The following TRIM44 variants were observed in gnomAD, a reference collection of about 807,000 sequenced individuals.
TRIM44 encodes the protein tripartite motif-containing protein 44.
TRIM44 carries 13 observed loss-of-function variants against 37.4 expected under a neutral mutation model. That is an observed-to-expected ratio of 0.35 (90% CI 0.23 to 0.55). The LOEUF is 0.55. TRIM44 is among the 20% of genes least tolerant of loss of function. TRIM44 has a pLI of 0.89. For missense variants in TRIM44, 426 were observed against 437.2 expected, an observed-to-expected ratio of 0.97 and a Z score of 0.23; for synonymous variants, 175 against 157.2, an observed-to-expected ratio of 1.11 and a Z score of -0.85.
chr11:35,669,966 C>T (rs186126316), intron 1 of TRIM44, among the ~76,000 whole-genome samples: 2 of 152,110 alleles, frequency 1.3e-5, no homozygotes, highest in Non-Finnish European at 2.9e-5. Flanking sequence ...GGACTACAGG[C>T]ATGTGCCACC....
intron 4 of TRIM44, among the ~76,000 whole-genome samples, chr11:35,755,170 T>A (rs1852618618): frequency 6.6e-6 from 1 of 152,172 alleles, no homozygotes; most frequent in Non-Finnish European, 1.5e-5. Flanking sequence ...GCACCTGTTG[T>A]TTCCTGACTT....
At chr11:35,679,142 G>A (rs886590310) in intron 1 of TRIM44, among the ~76,000 whole-genome samples, 3 of 152,026 alleles carry the variant, frequency 2.0e-5, no homozygotes, top group African/African-American at 7.2e-5. Context: ...GCCAGTTTAG[G>A]ATATTTATGT....
Position 35,807,020 on chromosome 11 carries a change from G to A in TRIM44, c.*635G>A, listed in dbSNP as rs1158756383. On this transcript the variant is annotated 3_prime_UTR_variant, in exon 5 of 5. Transcript: ENST00000299413. ...CTTGATATTCATAATTCAGTGCTGT[G>A]GAAATGAAAAAAATGATTGAAGAGG... The A allele has an allele frequency of 6.6e-6, 1 of 151,870 alleles. No homozygotes were observed. The highest frequency in any genetic ancestry group is 2.4e-5 in the African/African-American group (1 of 41,338). 9.4% of individuals were successfully genotyped at this position (151,870 alleles called of 1,614,324 possible). A position where few individuals can be genotyped will look rare whatever the true frequency, so the allele number is the denominator to read the frequency against.
At chr11:35,720,791 T>C (rs1010923448) in intron 2 of TRIM44, among the ~76,000 whole-genome samples, 4 of 152,176 alleles carry the variant, frequency 2.6e-5, no homozygotes, top group Non-Finnish European at 5.9e-5. Context: ...CTGTATCTAT[T>C]GTGATTTTTC....
At chr11:35,804,548 T>C (rs1473498869) in intron 4 of TRIM44, among the ~76,000 whole-genome samples, 2 of 152,184 alleles carry the variant, frequency 1.3e-5, no homozygotes, top group Non-Finnish European at 2.9e-5. Context: ...TGCCCTCATA[T>C]TTGAAATAAA....
At position 35,687,948 on chromosome 11, in the gene TRIM44, A is replaced by G. The variant is rs150345881; in HGVS notation, c.747+2612A>G. On this transcript the variant is annotated intron_variant, in intron 2 of 4. Coordinates refer to ENST00000299413, the MANE Select transcript of TRIM44 (RefSeq NM_017583.6). ...CTGTATATACTTGGAGCCAGCTTGA[A>G]GAAGGGTGAACGTAATTGCAGAATG... Among the ~76,000 whole-genome samples the G allele has an allele frequency of 1.5e-3, 227 of 152,310 alleles. 1 individual carries two copies. The highest frequency in any genetic ancestry group is 4.8e-3 in the African/African-American group (201 of 41,574).
At chr11:35,685,020 A>T (rs1851558222) in intron 1 of TRIM44, among the ~76,000 whole-genome samples, 4 of 152,230 alleles carry the variant, frequency 2.6e-5, no homozygotes, top group Admixed American at 6.5e-5. Context: ...GAGTCAGCCT[A>T]TACAAATTGT....
At chr11:35,663,844 G>T in intron 1 of TRIM44, 64 bp downstream of exon 1, 3 of 1,518,974 alleles carry the variant, frequency 2.0e-6, no homozygotes, top group Non-Finnish European at 2.6e-6. Context: ...AACTCAGGTG[G>T]CCTGGCTGTG....
intron 4 of TRIM44, among the ~76,000 whole-genome samples, chr11:35,760,461 G>A (rs746635218): frequency 6.6e-5 from 10 of 152,168 alleles, no homozygotes; most frequent in African/African-American, 1.4e-4. Context: ...GCGATGCCTC[G>A]CCCTGCTTAA....
intron 4 of TRIM44, among the ~76,000 whole-genome samples, chr11:35,755,915 G>A (rs1196483236): frequency 6.6e-6 from 1 of 152,032 alleles, no homozygotes; most frequent in Non-Finnish European, 1.5e-5. Context: ...TAGCCTTGTA[G>A]TATAGTTTGA....
rs1565050891 is a variant in TRIM44 at position 35,817,027 on chromosome 11, G to T, written c.*10642G>T. ...CCGTATGTATTTACTTGTTCATAAG[G>T]TTGATGTCTGTAACTCTTTGAAGGT... is the stretch of plus-strand genomic sequence containing the variant. On this transcript the variant is annotated 3_prime_UTR_variant, in exon 5 of 5. Coordinates refer to ENST00000299413, the MANE Select transcript of TRIM44 (RefSeq NM_017583.6). 6.6e-6 allele frequency: 1 copy of T among 152,102 alleles called. No homozygotes were observed. The highest frequency in any genetic ancestry group is 1.5e-5 in the Non-Finnish European group (1 of 68,016). 9.4% of individuals were successfully genotyped at this position (152,102 alleles called of 1,614,324 possible). A position where few individuals can be genotyped will look rare whatever the true frequency, so the allele number is the denominator to read the frequency against.
chr11:35,697,445 T>C (rs1012004805), intron 2 of TRIM44, among the ~76,000 whole-genome samples: 1 of 149,362 alleles, frequency 6.7e-6, no homozygotes, highest in Non-Finnish European at 1.5e-5. Context: ...TGCCACGTTT[T>C]CTTTTTTTTT....
intron 1 of TRIM44, among the ~76,000 whole-genome samples, chr11:35,674,086 A>G (rs1851432698): frequency 6.6e-6 from 1 of 152,202 alleles, no homozygotes; most frequent in Non-Finnish European, 1.5e-5. Context: ...TGGACCTTTC[A>G]GAATAGGAGA....
intron 3 of TRIM44, among the ~76,000 whole-genome samples, chr11:35,731,040 G>C (rs1852251744): frequency 6.6e-6 from 1 of 151,976 alleles, no homozygotes; most frequent in Non-Finnish European, 1.5e-5. Context: ...TCTACAAATA[G>C]AGACAGTTTT....
chr11:35,769,773 C>CAAATAAA (rs1852842210), intron 4 of TRIM44, among the ~76,000 whole-genome samples: 1 of 152,170 alleles, frequency 6.6e-6, no homozygotes, highest in Non-Finnish European at 1.5e-5. Context: ...TCAATTGATG[C>CAAATAAA]TTGTTGAATT....
chr11:35,785,137 A>T (rs1052868622), intron 4 of TRIM44, among the ~76,000 whole-genome samples: 19 of 152,306 alleles, frequency 1.2e-4, no homozygotes, highest in African/African-American at 4.6e-4. Context: ...GCTTGAGGGG[A>T]TTAATTAAAA....
chr11:35,677,079 A>T (rs1361716383), intron 1 of TRIM44, among the ~76,000 whole-genome samples: 4 of 152,350 alleles, frequency 2.6e-5, no homozygotes. Context: ...ATAAAATTCC[A>T]CAATTAGCTA....
At chr11:35,749,742 C>A (rs768822255) in intron 4 of TRIM44, among the ~76,000 whole-genome samples, 1 of 152,212 alleles carries the variant, frequency 6.6e-6, no homozygotes, top group Non-Finnish European at 1.5e-5. Flanking sequence ...TGAGGTTACC[C>A]TTGATTTTCC....
intron 2 of TRIM44, among the ~76,000 whole-genome samples, chr11:35,700,016 C>A (rs1851763815): frequency 6.6e-6 from 1 of 152,122 alleles, no homozygotes. Flanking sequence ...TGAAAATGGC[C>A]ATACTGCCCA....
Sources: gnomAD v4.1 joint callset for allele counts (sites outside exome capture counted in the v4.1 genomes callset) on GRCh38, gnomAD v4.1.1 for gene constraint, MANE v1.5 for transcripts, NCBI Gene and HGNC (gene_info 2026-07-23, HGNC 2026-07-21) for gene names.